SYNE1: variants seen among roughly 807,000 people sequenced by gnomAD.
SYNE1 encodes the protein spectrin repeat containing nuclear envelope protein 1, also known as nesprin-1.
In SYNE1, 616 loss-of-function variants were observed where a neutral mutation model predicts 1,111.0. The observed-to-expected ratio is 0.55, with a 90% confidence interval of 0.52 to 0.59. The LOEUF (loss-of-function observed/expected upper bound fraction) is 0.59. SYNE1 is among the 20% of genes least tolerant of loss of function. The probability of loss-of-function intolerance (pLI) is 0.00; values close to 1 mark genes in which losing one functional copy is unlikely to be tolerated. For missense variants in SYNE1, 10,006 were observed against 10,417.0 expected (o/e 0.96, Z 1.72); for synonymous variants, 3,855 against 3,825.8 (o/e 1.01, Z -0.28).
chr6:152,261,379 C>T (rs2153646719), intron 101 of SYNE1, among the ~76,000 whole-genome samples: 1 of 152,264 alleles, frequency 6.6e-6, no homozygotes, highest in Middle Eastern at 3.4e-3. Context: ...TGTTCCCTGG[C>T]TTCTGCTTAG....
chr6:152,347,661 G>C (rs575214684), intron 72 of SYNE1, among the ~76,000 whole-genome samples: 6 of 149,308 alleles, frequency 4.0e-5, no homozygotes, highest in Non-Finnish European at 8.9e-5. Context: ...TGGTGCAAAA[G>C]TAGTTGTGTT....
chr6:152,536,455 TTA>T (rs200097957), intron 4 of SYNE1, among the ~76,000 whole-genome samples: 2 of 123,208 alleles, frequency 1.6e-5, no homozygotes, highest in Non-Finnish European at 3.5e-5. Context: ...TAATATATAT[TTA>T]TATATATATA....
At chr6:152,362,392 C>T in intron 63 of SYNE1, 69 bp from the exon 64 acceptor site, 1 of 1,601,272 alleles carries the variant, frequency 6.2e-7, no homozygotes, top group African/African-American at 1.3e-5. Context: ...GTCATTGTGT[C>T]TGCTCCATCC....
At chr6:152,152,183 A>G (rs765412867) in intron 133 of SYNE1, 42 bp from the exon 134 acceptor site, 1 of 1,577,668 alleles carries the variant, frequency 6.3e-7, no homozygotes. Context: ...AAATCAGCGA[A>G]GGACTCTCAG....
intron 115 of SYNE1, among the ~76,000 whole-genome samples, chr6:152,228,935 A>G (rs1175113237): frequency 7.9e-5 from 12 of 152,196 alleles, no homozygotes; most frequent in Admixed American, 7.9e-4. Context: ...ATTAAATAAA[A>G]AAACTATTAT....
intron 130 of SYNE1, among the ~76,000 whole-genome samples, chr6:152,174,524 C>T (rs2065915777): frequency 6.6e-6 from 1 of 152,188 alleles, no homozygotes; most frequent in Admixed American, 6.5e-5. Flanking sequence ...CTCTCACAGT[C>T]ACTGTCACAT....
At chr6:152,245,967 C>T (rs1238957286) in intron 105 of SYNE1, among the ~76,000 whole-genome samples, 2 of 152,194 alleles carry the variant, frequency 1.3e-5, no homozygotes, top group Non-Finnish European at 2.9e-5. Flanking sequence ...ATGCTCCCTG[C>T]ATGCTGAATG....
At position 152,503,504 on chromosome 6, in the gene SYNE1, C is replaced by T. The variant is rs556216524; in HGVS notation, c.779-762G>A. Among the ~76,000 whole-genome samples the T allele has an allele frequency of 2.4e-4, 36 of 152,194 alleles. No homozygotes were observed. The South Asian group carries it at 3.9e-3, about 17-fold the overall frequency. On this transcript the variant is annotated intron_variant, in intron 9 of 145. Coordinates refer to ENST00000367255, the MANE Select transcript of SYNE1 (RefSeq NM_182961.4). ...TGGAGGTAAGAATGCATAAGTAAAACGTGTTGTAAACAAGTCTTTTAAATA... is the reference window on the plus strand; with the variant it reads ...TGGAGGTAAGAATGCATAAGTAAAATGTGTTGTAAACAAGTCTTTTAAATA...
Position 152,387,116 on chromosome 6 carries a change from C to G in SYNE1, c.8443G>C (p.Glu2815Gln). ...EDESFKDTAQ[E>Q]ELKTQFNDIM... ...TCATTAAACTGTGTTTTCAGCTCCT[C>G]TTGAGCTGTGTCCTTGAAAGACTCA... is the stretch of plus-strand genomic sequence containing the variant. The change falls in exon 54 of 146, where the codon GAG (glutamate) becomes CAG (glutamine). Residue 2815 changes from glutamate (E) to glutamine (Q), a missense_variant. Physicochemically the swap from Glu to Gln is conservative, Grantham distance 29. This residue lies in a region of SYNE1 where 4,955 missense variants were observed against 5,017.2 expected (regional missense o/e 0.99). Coordinates refer to ENST00000367255, the MANE Select transcript of SYNE1 (RefSeq NM_182961.4). 6.2e-7 allele frequency: 1 copy of G among 1,614,166 alleles called. No individual in the cohort carries two copies. The highest frequency in any genetic ancestry group is 8.5e-7 in the Non-Finnish European group (1 of 1,180,004).
intron 24 of SYNE1, 69 bp from the exon 25 acceptor site, chr6:152,453,789 C>CT: frequency 6.3e-7 from 1 of 1,599,522 alleles, no homozygotes; most frequent in Admixed American, 1.7e-5. Flanking sequence ...CACAATCAGC[C>CT]TCTAAGCCTC....
rs112911573 is a variant in SYNE1 at position 152,306,212 on chromosome 6, G to A, written c.17346+2277C>T. 3.0e-3 allele frequency among the ~76,000 whole-genome samples: 452 copies of A among 152,246 alleles called. 4 individuals are homozygous for A. The highest frequency in any genetic ancestry group is 0.014 in the Middle Eastern group (4 of 294). ...AAAAAAATCCTTACCCCGGCCAGTCGTGGTGGCTCACTCCTGCAATCCCAA... is the reference window on the plus strand; with the variant it reads ...AAAAAAATCCTTACCCCGGCCAGTCATGGTGGCTCACTCCTGCAATCCCAA... On this transcript the variant is annotated intron_variant, in intron 91 of 145. Coordinates refer to ENST00000367255, the MANE Select transcript of SYNE1 (RefSeq NM_182961.4).
intron 101 of SYNE1, among the ~76,000 whole-genome samples, chr6:152,257,484 TCA>T (rs1562560132): frequency 6.6e-6 from 1 of 152,108 alleles, no homozygotes; most frequent in Non-Finnish European, 1.5e-5. Flanking sequence ...TGAGCTGAGA[TCA>T]CACCACTGCA....
At chr6:152,202,395 C>T (rs563074233) in intron 126 of SYNE1, among the ~76,000 whole-genome samples, 2 of 144,290 alleles carry the variant, frequency 1.4e-5, no homozygotes, top group South Asian at 4.5e-4. Context: ...AACAAAGTTG[C>T]GCTGATGAAC....
chr6:152,268,126 G>T lies in SYNE1; in HGVS notation c.18745C>A (p.Arg6249Ser). ...TCCTCTCCACGACTGGCTACTGAGC[G>T]AAGGAGACTCTTCTGCTCGGCTAAT... ...QELAEQKSLL[R>S]SVASRGEEIL... Residue 6249 changes from arginine (R) to serine (S), a missense_variant, in exon 100 of 146, where the codon CGC (arginine) becomes AGC (serine). Around this residue, in one of 7 missense-constraint regions of SYNE1, gnomAD observed 2,182 missense variants for 2,287.8 expected, o/e 0.95. Coordinates refer to ENST00000367255, the MANE Select transcript of SYNE1 (RefSeq NM_182961.4). The T allele has an allele frequency of 2.5e-6, 4 of 1,614,116 alleles. No individual in the cohort carries two copies. Among genetic ancestry groups the T allele is most frequent in the Non-Finnish European group, 3.4e-6 (4 of 1,180,002 alleles).
intron 125 of SYNE1, 89 bp downstream of exon 125, chr6:152,207,883 T>A (rs2076810662): frequency 8.0e-7 from 1 of 1,247,446 alleles, no homozygotes; most frequent in African/African-American, 1.5e-5. Context: ...GCAATGTCAC[T>A]CTAGAGTCCT....
At chr6:152,219,362 C>T (rs1388313290) in intron 119 of SYNE1, among the ~76,000 whole-genome samples, 177 bp from the exon 120 acceptor site, 2 of 152,004 alleles carry the variant, frequency 1.3e-5, no homozygotes, top group South Asian at 2.1e-4. Flanking sequence ...TTTTAAAATG[C>T]TATGTTAATA....
chr6:152,381,775 C>CAATT (rs1290740859), intron 55 of SYNE1, among the ~76,000 whole-genome samples: 1 of 152,052 alleles, frequency 6.6e-6, no homozygotes, highest in African/African-American at 2.4e-5. Context: ...TCTCTATACT[C>CAATT]AATTCATCTT....
At chr6:152,351,878 G>A (rs754891087) in intron 70 of SYNE1, 149 bp downstream of exon 70, 13 of 715,902 alleles carry the variant, frequency 1.8e-5, no homozygotes, top group Non-Finnish European at 2.7e-5. Flanking sequence ...AATCTCCATA[G>A]GTCATGGCAT....
chr6:152,378,699 T>C (rs973890004), intron 56 of SYNE1, among the ~76,000 whole-genome samples: 8 of 152,162 alleles, frequency 5.3e-5, no homozygotes, highest in Non-Finnish European at 8.8e-5. Flanking sequence ...ATTTTAATTA[T>C]ACCTCAAGAC....
Sources: gnomAD v4.1 joint callset for allele counts (sites outside exome capture counted in the v4.1 genomes callset) on GRCh38, gnomAD v4.1.1 for gene constraint, gnomAD v4.1.1 regional missense constraint, MANE v1.5 for transcripts, NCBI Gene and HGNC (gene_info 2026-07-23, HGNC 2026-07-21) for gene names.